Variants in GDPD4 observed in about 807,000 individuals in gnomAD.
GDPD4 encodes glycerophosphodiester phosphodiesterase domain containing 4.
A neutral mutation model predicts 67.8 loss-of-function variants in GDPD4; 60 were observed. The ratio of observed to expected loss-of-function variants is 0.88; its 90% confidence interval spans 0.72 to 1.10. The LOEUF (loss-of-function observed/expected upper bound fraction) is 1.10, where lower values mean the gene tolerates loss of function less well. GDPD4 is among the 50% of genes least tolerant of loss of function. The pLI is 0.00. For synonymous variants in GDPD4, 212 were observed against 210.9 expected (o/e 1.00, Z -0.04); for missense variants, 623 against 613.9 (o/e 1.01, Z -0.16).
At chr11:77,255,414 A>T (rs1475794170) in intron 11 of GDPD4, among the ~76,000 whole-genome samples, 1 of 152,024 alleles carries the variant, frequency 6.6e-6, no homozygotes, top group Non-Finnish European at 1.5e-5. Context: ...AACACAAAAA[A>T]TTAGCTGGTC....
chr11:77,218,140 G>A (rs1958160220), intron 16 of GDPD4, among the ~76,000 whole-genome samples: 2 of 147,000 alleles, frequency 1.4e-5, no homozygotes, highest in Non-Finnish European at 3.0e-5. Flanking sequence ...AATTTTTATT[G>A]GATTTGAATG....
chr11:77,252,052 TTG>T (rs1491102501), intron 11 of GDPD4, among the ~76,000 whole-genome samples: 1,231 of 81,162 alleles, frequency 0.015, 32 homozygotes, highest in African/African-American at 0.05. Flanking sequence ...TTTTGTTTGT[TTG>T]TTTTTTTTTT....
At chr11:77,261,665 C>T (rs1023232224) in intron 10 of GDPD4, among the ~76,000 whole-genome samples, 5 of 152,200 alleles carry the variant, frequency 3.3e-5, no homozygotes, top group South Asian at 2.1e-4. Flanking sequence ...ACTCCTGAAA[C>T]GAGACACAGC....
At chr11:77,220,685 G>A (rs2135816736) in intron 16 of GDPD4, among the ~76,000 whole-genome samples, 1 of 152,178 alleles carries the variant, frequency 6.6e-6, no homozygotes, top group South Asian at 2.1e-4. Flanking sequence ...TTGTGTCTCT[G>A]CCAGGCTTTG....
chr11:77,222,359 C>T (rs1352053829), intron 16 of GDPD4, among the ~76,000 whole-genome samples: 1 of 152,132 alleles, frequency 6.6e-6, no homozygotes, highest in Non-Finnish European at 1.5e-5. Context: ...GTGGCTGGTA[C>T]TGGTTGTTCC....
intron 12 of GDPD4, among the ~76,000 whole-genome samples, chr11:77,244,165 G>A (rs765079775): frequency 2.6e-5 from 4 of 152,046 alleles, no homozygotes; most frequent in Non-Finnish European, 5.9e-5. Flanking sequence ...ACAGGCGCCC[G>A]CTACCACACC....
chr11:77,260,119 C>T (rs1166935356), intron 10 of GDPD4, among the ~76,000 whole-genome samples: 1 of 152,018 alleles, frequency 6.6e-6, no homozygotes, highest in Non-Finnish European at 1.5e-5. Context: ...CCATCCTGGC[C>T]AACATAGTGA....
intron 14 of GDPD4, among the ~76,000 whole-genome samples, chr11:77,230,678 T>C (rs1297779426): frequency 6.6e-6 from 1 of 152,212 alleles, no homozygotes; most frequent in African/African-American, 2.4e-5. Context: ...ATGAATATTT[T>C]AAAATAAAAT....
rs575962139 is a variant in GDPD4 at position 77,236,055 on chromosome 11, T to C, written c.1242-2883A>G. Among the ~76,000 whole-genome samples the C allele has an allele frequency of 6.3e-5, 9 of 142,956 alleles. No homozygotes were observed. The South Asian group carries it at 2.0e-3, about 32-fold the overall frequency. The allele number at this position is 142,956 out of a possible 152,430, so 93.8% of individuals were successfully genotyped here. On this transcript the variant is annotated intron_variant, in intron 13 of 16. Transcript: ENST00000315938. The stretch of plus-strand genomic sequence containing the variant: ...AAAAAATAAAAAGAGAGGGAAGGAG[T>C]GATCAAAAAACCCCACAAGGAATAG...
chr11:77,280,563 C>G (rs1406740501), intron 3 of GDPD4, among the ~76,000 whole-genome samples: 1 of 152,154 alleles, frequency 6.6e-6, no homozygotes. Flanking sequence ...CATGGTACTC[C>G]TCTTTCTTCT....
chr11:77,241,768 C>T (rs904178470), intron 13 of GDPD4, among the ~76,000 whole-genome samples: 4 of 150,426 alleles, frequency 2.7e-5, no homozygotes, highest in African/African-American at 9.8e-5. Flanking sequence ...CATGGTGAAA[C>T]CCCATCTCTA....
intron 4 of GDPD4, among the ~76,000 whole-genome samples, chr11:77,279,002 A>C (rs1959626936): frequency 6.6e-6 from 1 of 152,214 alleles, no homozygotes; most frequent in African/African-American, 2.4e-5. Flanking sequence ...TAAAATGACA[A>C]TATTGAGGGA....
chr11:77,258,686 T>C (rs769896259), intron 10 of GDPD4, 144 bp from the exon 11 acceptor site: 20 of 673,414 alleles, frequency 3.0e-5, no homozygotes, highest in Non-Finnish European at 5.2e-5. Flanking sequence ...AAGGGCTACA[T>C]ATCAGTCATT....
intron 11 of GDPD4, 91 bp downstream of exon 11, chr11:77,258,295 A>T: frequency 3.0e-5 from 30 of 1,012,340 alleles, no homozygotes; most frequent in Non-Finnish European, 4.2e-5. Context: ...ATACTTGCCT[A>T]TCTTCATCTA....
chr11:77,292,813 G>T (rs549789550), intron 1 of GDPD4, among the ~76,000 whole-genome samples: 241 of 152,128 alleles, frequency 1.6e-3, no homozygotes, highest in Non-Finnish European at 3.1e-3. Flanking sequence ...AAAGAATTTG[G>T]TACAACTTCA....
chr11:77,242,514 C>T (rs993557935), intron 13 of GDPD4, among the ~76,000 whole-genome samples: 1 of 152,024 alleles, frequency 6.6e-6, no homozygotes, highest in Non-Finnish European at 1.5e-5. Context: ...AGAAAACTGA[C>T]AATTAGAAAC....
chr11:77,240,005 TAAATG>T (rs1958633642), intron 13 of GDPD4, among the ~76,000 whole-genome samples: 1 of 147,470 alleles, frequency 6.8e-6, no homozygotes, highest in African/African-American at 2.5e-5. Flanking sequence ...AAAACACAAA[TAAATG>T]AAAAGTTATG....
chr11:77,271,345 T>C lies in GDPD4; in HGVS notation c.256A>G (p.Ile86Val), dbSNP rs758745585. 6 of 1,613,820 alleles carry C rather than the reference T, an allele frequency of 3.7e-6. No individual in the cohort carries two copies. Among genetic ancestry groups the C allele is most frequent in the Admixed American group, 3.3e-5 (2 of 60,008 alleles). Residue 86 changes from isoleucine to valine, a missense_variant, in exon 6 of 17, where the codon ATA (isoleucine) becomes GTA (valine). Ile to Val is a conservative substitution (Grantham distance 29). Transcript: ENST00000315938. ...ILLCVILMFI[I>V]CKFWKERWLV... Reference sequence around the variant, plus strand: ...CACCTTTCTTTCCAGAATTTGCATATAATGAACATTAAAATGACACACAGA... The same window carrying C: ...CACCTTTCTTTCCAGAATTTGCATACAATGAACATTAAAATGACACACAGA...
chr11:77,224,900 G>A (rs956957347), intron 16 of GDPD4, among the ~76,000 whole-genome samples: 1 of 151,518 alleles, frequency 6.6e-6, no homozygotes, highest in Non-Finnish European at 1.5e-5. Flanking sequence ...TCAGGAGTTT[G>A]AGATCAGCCT....
Sources: allele counts gnomAD v4.1 joint callset (sites outside exome capture counted in the v4.1 genomes callset), GRCh38; gene constraint gnomAD v4.1.1; transcripts MANE v1.5; gene names NCBI Gene and HGNC (gene_info 2026-07-23, HGNC 2026-07-21).